CCDC34: variants seen among roughly 807,000 people sequenced by gnomAD.
CCDC34 encodes the protein coiled-coil domain containing 34.
CCDC34 carries 40 observed loss-of-function variants against 44.1 expected under a neutral mutation model. The observed-to-expected ratio is 0.91, with a 90% CI of 0.70 to 1.18. The LOEUF (loss-of-function observed/expected upper bound fraction) is 1.18. Among genes scored for constraint, CCDC34 ranks in the 50% most tolerant of loss-of-function variants. The pLI, the probability that CCDC34 is intolerant of heterozygous loss-of-function variation, is 0.00. For synonymous variants in CCDC34, 159 were observed against 158.2 expected (o/e 1.01, Z -0.04); for missense variants, 466 against 452.3 (o/e 1.03, Z -0.28).
At chr11:27,344,657 A>C (rs913259904) in intron 3 of CCDC34, among the ~76,000 whole-genome samples, 1 of 151,988 alleles carries the variant, frequency 6.6e-6, no homozygotes, top group Non-Finnish European at 1.5e-5. Flanking sequence ...TGAAAACTAA[A>C]AAACACTGCT....
At chr11:27,350,497 A>AT (rs1488998835) in intron 2 of CCDC34, 58 bp from the exon 3 acceptor site, 2 of 1,467,134 alleles carry the variant, frequency 1.4e-6, no homozygotes, top group Admixed American at 4.7e-5. Context: ...AATAACATAC[A>AT]TTTTAAAAGT....
chr11:27,349,541 CATTTGTAAA>C, intron 3 of CCDC34: 2 of 950,066 alleles, frequency 2.1e-6, no homozygotes, highest in Non-Finnish European at 2.5e-6. Context: ...CATTTTTCCA[CATTTGTAAA>C]ACTGGATTAT....
chr11:27,359,869 G>A (rs1862636806), intron 1 of CCDC34, among the ~76,000 whole-genome samples: 1 of 152,138 alleles, frequency 6.6e-6, no homozygotes, highest in African/African-American at 2.4e-5. Flanking sequence ...AGCACTGCCT[G>A]GAGCCACAAC....
chr11:27,340,644 T>C (rs1862341718), intron 5 of CCDC34, 52 bp downstream of exon 5: 2 of 1,523,514 alleles, frequency 1.3e-6, no homozygotes, highest in Non-Finnish European at 1.8e-6. Context: ...AGGAGTATAA[T>C]ATTTGCTTCT....
intron 1 of CCDC34, among the ~76,000 whole-genome samples, chr11:27,361,200 C>A (rs1862658660): frequency 6.6e-6 from 1 of 152,204 alleles, no homozygotes; most frequent in Non-Finnish European, 1.5e-5. Flanking sequence ...ATAAGGAAGG[C>A]AGCCTTAGCC....
chr11:27,340,395 T>C (rs1279918572), intron 5 of CCDC34, among the ~76,000 whole-genome samples: 1 of 152,156 alleles, frequency 6.6e-6, no homozygotes, highest in African/African-American at 2.4e-5. Context: ...TATATCCTGA[T>C]TAAGGCTTTA....
At chr11:27,355,730 T>C (rs1160359462) in intron 2 of CCDC34, among the ~76,000 whole-genome samples, 1 of 152,144 alleles carries the variant, frequency 6.6e-6, no homozygotes, top group Admixed American at 6.5e-5. Context: ...TTGCCTAACA[T>C]CAACCGTAAG....
chr11:27,338,734 G>A lies in CCDC34; in HGVS notation c.*87C>T. 1 of 1,033,172 alleles carries A rather than the reference G, an allele frequency of 9.7e-7. No homozygotes were observed. 64.0% of individuals were successfully genotyped at this position (1,033,172 alleles called of 1,614,324 possible). On this transcript the variant is annotated 3_prime_UTR_variant, in exon 6 of 6. Transcript: ENST00000328697. ...CTATTTGTCAATAATCACATTAAGT[G>A]TTGAGTTATTGACTGAGCAGTAAAA...
chr11:27,351,176 C>T (rs985141171), intron 2 of CCDC34, among the ~76,000 whole-genome samples: 2 of 152,212 alleles, frequency 1.3e-5, no homozygotes, highest in African/African-American at 4.8e-5. Flanking sequence ...TAGGACTCCA[C>T]AACCATAATT....
At chr11:27,356,212 C>A (rs1862575131) in intron 2 of CCDC34, among the ~76,000 whole-genome samples, 1 of 151,402 alleles carries the variant, frequency 6.6e-6, no homozygotes, top group South Asian at 2.1e-4. Flanking sequence ...CAGATGGTCT[C>A]TCCATGTTGG....
intron 2 of CCDC34, among the ~76,000 whole-genome samples, chr11:27,356,913 TGGTGGGGTGG>T (rs1657405676): frequency 2.8e-4 from 1 of 3,604 alleles, no homozygotes; most frequent in South Asian, 0.025. Flanking sequence ...GGGTTGGGGG[TGGTGGGGTGG>T]GGTGGGGTTG....
intron 2 of CCDC34, 57 bp from the exon 3 acceptor site, chr11:27,350,496 C>T (rs2133344694): frequency 6.8e-7 from 1 of 1,475,488 alleles, no homozygotes; most frequent in South Asian, 1.3e-5. Flanking sequence ...AAATAACATA[C>T]ATTTTAAAAG....
intron 3 of CCDC34, among the ~76,000 whole-genome samples, chr11:27,347,458 C>G (rs371750687): frequency 1.3e-5 from 2 of 152,256 alleles, no homozygotes; most frequent in East Asian, 3.9e-4. Flanking sequence ...CTGAAAACAA[C>G]TCAATTGTCC....
At chr11:27,349,893 G>A in intron 3 of CCDC34, 1 of 1,004,658 alleles carries the variant, frequency 1.0e-6, no homozygotes. Context: ...AGTAGTAATT[G>A]TAAAGAAAAG....
chr11:27,344,558 T>C (rs1195294073), intron 3 of CCDC34, among the ~76,000 whole-genome samples: 1 of 151,268 alleles, frequency 6.6e-6, no homozygotes, highest in Non-Finnish European at 1.5e-5. Flanking sequence ...AAATATATAT[T>C]ATATATCAGG....
chr11:27,359,815 G>A (rs1164059587), intron 1 of CCDC34, among the ~76,000 whole-genome samples: 19 of 152,188 alleles, frequency 1.2e-4, no homozygotes, highest in Non-Finnish European at 1.0e-4. Flanking sequence ...TACTTAGTAA[G>A]TCATTTATGA....
chr11:27,341,803 G>T (rs994489418), intron 3 of CCDC34, among the ~76,000 whole-genome samples: 2 of 152,148 alleles, frequency 1.3e-5, no homozygotes, highest in Admixed American at 6.5e-5. Context: ...TGTCCACTCA[G>T]AGCCTGGGGC....
At chr11:27,349,204 A>G (rs1308951968) in intron 3 of CCDC34, 2 of 961,424 alleles carry the variant, frequency 2.1e-6, no homozygotes, top group African/African-American at 3.5e-5. Context: ...ACAAATTTCA[A>G]AAAGATATTA....
rs1862693218 is a variant in CCDC34, at chr11:27,363,003, C to A, written c.192G>T (p.Arg64Ser). The A allele has an allele frequency of 1.2e-6, 2 of 1,614,210 alleles. No homozygotes were observed. The highest frequency in any genetic ancestry group is 4.5e-5 in the East Asian group (2 of 44,880). The change falls in exon 1 of 6, where the codon AGG becomes AGT. Residue 64 changes from arginine to serine, a missense_variant. Transcript: ENST00000328697. ...GGTGGCCAAGGGGAGACAACAGCGA[C>A]CTGGTGGAATTGCTGCAGCTCAGCG... Reference protein sequence around the residue: ...PLPLSCSNSTRSLLSPLGHQS... With the variant: ...PLPLSCSNSTSSLLSPLGHQS...
Sources: allele counts gnomAD v4.1 joint callset (sites outside exome capture counted in the v4.1 genomes callset), GRCh38; gene constraint gnomAD v4.1.1; transcripts MANE v1.5; gene names NCBI Gene and HGNC (gene_info 2026-07-23, HGNC 2026-07-21).